Variants in MUC5AC observed in about 807,000 individuals in gnomAD.
MUC5AC encodes the protein mucin-5AC.
In MUC5AC, 158 loss-of-function variants were observed where a neutral mutation model predicts 169.7. That is an observed-to-expected ratio of 0.93 (90% CI 0.82 to 1.06). MUC5AC has a LOEUF of 1.06. Ranked by LOEUF, MUC5AC falls within the 50% of genes least tolerant of loss-of-function variation. The pLI, the probability that MUC5AC is intolerant of heterozygous loss-of-function variation, is 0.00. For synonymous variants in MUC5AC, 1,975 were observed against 1,237.0 expected (o/e 1.60, Z -12.52); for missense variants, 4,359 against 3,089.9 (o/e 1.41, Z -9.74).
At position 1,190,897 on chromosome 11, in the gene MUC5AC, C is replaced by G. The variant is rs1170972618; in HGVS notation, c.12752C>G (p.Ser4251Cys). 4 of 738,468 alleles carry G rather than the reference C, an allele frequency of 5.4e-6. No individual in the cohort carries two copies. Among genetic ancestry groups the G allele is most frequent in the Non-Finnish European group, 9.9e-6 (4 of 405,492 alleles). The allele number at this position is 738,468 out of a possible 1,614,324, so 45.7% of individuals were successfully genotyped here. A position where few individuals can be genotyped will look rare whatever the true frequency, so the allele number is the denominator to read the frequency against. ...TTSAPTTSTT[S>C]GPGTTPSPVP... Reference sequence around the variant, plus strand: ...TCTGCTCCTACAACCAGCACAACCTCTGGTCCTGGAACTACTCCAAGCCCT... The same window carrying G: ...TCTGCTCCTACAACCAGCACAACCTGTGGTCCTGGAACTACTCCAAGCCCT... Residue 4251 changes from serine (S) to cysteine (C), a missense_variant, in exon 31 of 49, where the codon TCT becomes TGT. Ser to Cys is a moderately radical substitution (Grantham distance 112, BLOSUM62 -1). Transcript: ENST00000621226.
chr11:1,159,532 TCTGTGCGGGGCTGTGCGGGG>T (rs201302150), intron 1 of MUC5AC, among the ~76,000 whole-genome samples: 44 of 42,910 alleles, frequency 1.0e-3, no homozygotes, highest in South Asian at 5.1e-3. Flanking sequence ...CCATGCTGGT[TCTGTGCGGGGCTGTGCGGGG>T]CTGTGCGGGG....
At position 1,198,943 on chromosome 11, in the gene MUC5AC, G is replaced by C; in HGVS notation, c.16243G>C (p.Asp5415His). The C allele has an allele frequency of 1.3e-6, 1 of 763,288 alleles. No individual in the cohort carries two copies. The highest frequency in any genetic ancestry group is 1.3e-5 in the South Asian group (1 of 74,216). 47.3% of individuals were successfully genotyped at this position (763,288 alleles called of 1,614,324 possible). A position where few individuals can be genotyped will look rare whatever the true frequency, so the allele number is the denominator to read the frequency against. The change falls in exon 44 of 49, where the codon GAC becomes CAC. Residue 5415 changes from aspartate to histidine, a missense_variant. Coordinates refer to ENST00000621226, the MANE Select transcript of MUC5AC (RefSeq NM_001304359.2). The part of the protein sequence containing the change: ...RCELPGGPPS[D>H]AFVVSCETQI... ...TGAGCTGCCGGGTGGCCCCCCATCG[G>C]ACGCGTTTGTGGTCAGCTGTGAGAC... is the stretch of plus-strand genomic sequence containing the variant.
Position 1,164,482 on chromosome 11 carries a change from A to T in MUC5AC, c.1079A>T (p.His360Leu), listed in dbSNP as rs757487224. ...GCAGACACCTGCTCCAACCAGGAGC[A>T]CTCCCGGGCCTGTGAGGACCACTGT... Reference protein sequence around the residue: ...PCADTCSNQEHSRACEDHCVA... With the variant: ...PCADTCSNQELSRACEDHCVA... The change falls in exon 9 of 49, where the codon CAC becomes CTC. Residue 360 changes from histidine (H) to leucine (L), a missense_variant. His to Leu is a moderately conservative substitution (Grantham distance 99, BLOSUM62 -3). Transcript: ENST00000621226. 2.9e-5 allele frequency: 47 copies of T among 1,611,524 alleles called. No individual in the cohort carries two copies. Among genetic ancestry groups the T allele is most frequent in the Non-Finnish European group, 4.0e-5 (47 of 1,179,552 alleles).
At position 1,189,957 on chromosome 11, in the gene MUC5AC, G is replaced by A; in HGVS notation, c.11812G>A (p.Val3938Ile). The change falls in exon 31 of 49, where the codon GTT (valine) becomes ATT (isoleucine). Residue 3938 changes from valine to isoleucine, a missense_variant. Physicochemically the swap from Val to Ile is conservative, Grantham distance 29. Transcript: ENST00000621226. ...ASVSKTSTSHVSVSKTTHSQP... is the reference protein window; with the variant it reads ...ASVSKTSTSHISVSKTTHSQP... The stretch of plus-strand genomic sequence containing the variant: ...TGTTTCAAAGACCAGCACAAGCCAT[G>A]TTTCTGTATCCAAGACAACCCACTC... The A allele has an allele frequency of 5.2e-6, 4 of 765,168 alleles. No individual in the cohort carries two copies. The highest frequency in any genetic ancestry group is 9.6e-6 in the Non-Finnish European group (4 of 417,884). The allele number at this position is 765,168 out of a possible 1,614,324, so 47.4% of individuals were successfully genotyped here. A position where few individuals can be genotyped will look rare whatever the true frequency, so the allele number is the denominator to read the frequency against.
At chr11:1,193,342 T>C in intron 32 of MUC5AC, 143 bp from the exon 33 acceptor site, 1 of 610,764 alleles carries the variant, frequency 1.6e-6, no homozygotes, top group Non-Finnish European at 3.0e-6. Flanking sequence ...GGGTGGGTGC[T>C]GAGGGTGGGG....
Position 1,182,604 on chromosome 11 carries a change from C to A in MUC5AC, c.4459C>A (p.Pro1487Thr). Residue 1487 changes from proline to threonine, a missense_variant, in exon 31 of 49, where the codon CCA becomes ACA. Coordinates refer to ENST00000621226, the MANE Select transcript of MUC5AC (RefSeq NM_001304359.2). The stretch of plus-strand genomic sequence containing the variant: ...CCTACCCTGCTCCACCTCTAGCAGT[C>A]CAGCCCAGACCACTCCTCCAACTAC... ...TPLPCSTSSS[P>T]AQTTPPTTSK... The A allele has an allele frequency of 7.5e-6, 3 of 398,856 alleles. No homozygotes were observed. The highest frequency in any genetic ancestry group is 1.3e-5 in the Non-Finnish European group (3 of 226,280). 24.7% of individuals were successfully genotyped at this position (398,856 alleles called of 1,614,324 possible). A position where few individuals can be genotyped will look rare whatever the true frequency, so the allele number is the denominator to read the frequency against.
intron 26 of MUC5AC, among the ~76,000 whole-genome samples, chr11:1,179,456 C>T (rs966345929): frequency 2.0e-5 from 3 of 151,128 alleles, no homozygotes; most frequent in Admixed American, 6.6e-5. Context: ...GCAGAGCTGC[C>T]CAGCTCTAGA....
chr11:1,200,397 G>T, intron 48 of MUC5AC, 41 bp from the exon 49 acceptor site: 1 of 648,676 alleles, frequency 1.5e-6, no homozygotes, highest in Non-Finnish European at 2.8e-6. Flanking sequence ...CAGGAGGCTG[G>T]GGTGGCGCAG....
At chr11:1,158,960 G>A (rs1159004046) in intron 1 of MUC5AC, among the ~76,000 whole-genome samples, 4 of 152,312 alleles carry the variant, frequency 2.6e-5, no homozygotes, top group African/African-American at 9.6e-5. Flanking sequence ...GCCGTCCCTC[G>A]TCTGTACCAC....
Position 1,192,084 on chromosome 11 carries a change from C to T in MUC5AC, c.13939C>T (p.His4647Tyr), listed in dbSNP as rs748742336. Residue 4647 changes from histidine to tyrosine, a missense_variant, in exon 31 of 49, where the codon CAC (histidine) becomes TAC (tyrosine). His to Tyr is a moderately conservative substitution (Grantham distance 83). Transcript: ENST00000621226. ...CGTGGACTTCCCATCCCCTGGACCC[C>T]ACGGCGGGGACAAGGAAACCTACAA... ...FDVDFPSPGP[H>Y]GGDKETYNNI... 8 of 765,096 alleles carry T rather than the reference C, an allele frequency of 1.0e-5. No individual in the cohort carries two copies. Among genetic ancestry groups the T allele is most frequent in the Non-Finnish European group, 1.7e-5 (7 of 417,892 alleles). 47.4% of individuals were successfully genotyped at this position (765,096 alleles called of 1,614,324 possible). A position where few individuals can be genotyped will look rare whatever the true frequency, so the allele number is the denominator to read the frequency against.
At chr11:1,195,376 C>T in intron 36 of MUC5AC, 97 bp downstream of exon 36, 1 of 702,280 alleles carries the variant, frequency 1.4e-6, no homozygotes, top group Non-Finnish European at 2.6e-6. Context: ...TCAGGGGGCT[C>T]CTGAGAGGAA....
chr11:1,194,618 C>A lies in MUC5AC; in HGVS notation c.15138C>A (p.Phe5046Leu), dbSNP rs1238842952. The change falls in exon 35 of 49, where the codon TTC (phenylalanine) becomes TTA (leucine). Residue 5046 changes from phenylalanine (F) to leucine (L), a missense_variant. Coordinates refer to ENST00000621226, the MANE Select transcript of MUC5AC (RefSeq NM_001304359.2). The part of the protein sequence containing the change: ...GVQVMFSGLI[F>L]SVEVPFSKFA... ...AGGTCATGTTCTCCGGCCTCATCTT[C>A]TCCGTGGAGGTGCCCTTCAGCAAGT... The A allele has an allele frequency of 1.3e-6, 1 of 764,518 alleles. No individual in the cohort carries two copies. The highest frequency in any genetic ancestry group is 2.4e-6 in the Non-Finnish European group (1 of 417,506). The allele number at this position is 764,518 out of a possible 1,614,324, so 47.4% of individuals were successfully genotyped here.
chr11:1,177,703 G>C, intron 24 of MUC5AC, 70 bp downstream of exon 24: 1 of 398,482 alleles, frequency 2.5e-6, no homozygotes, highest in Non-Finnish European at 4.4e-6. Context: ...GGAACAGGTG[G>C]GCAGAGACGA....
At chr11:1,158,412 C>T (rs1426962889) in intron 1 of MUC5AC, among the ~76,000 whole-genome samples, 1 of 152,254 alleles carries the variant, frequency 6.6e-6, no homozygotes, top group Non-Finnish European at 1.5e-5. Flanking sequence ...CTGCTCATGG[C>T]CCCTGCTGGG....
Position 1,189,221 on chromosome 11 carries a change from A to C in MUC5AC, c.11076A>C (p.Pro3692=). Residue 3692 remains proline (P), a synonymous_variant, in exon 31 of 49, where the codon CCA becomes CCC. Transcript: ENST00000621226. ...CTATACCCAGCACAACCTCTGCCCCAACAACCAGCACAACCTCTGCTCCCA... is the reference window on the plus strand; with the variant it reads ...CTATACCCAGCACAACCTCTGCCCCCACAACCAGCACAACCTCTGCTCCCA... The part of the protein sequence containing the change: ...PASIPSTTSA[P]TTSTTSAPTT... 2 of 558,296 alleles carry C rather than the reference A, an allele frequency of 3.6e-6. No individual in the cohort carries two copies. Among genetic ancestry groups the C allele is most frequent in the South Asian group, 2.5e-5 (1 of 39,606 alleles). The allele number at this position is 558,296 out of a possible 1,614,324, so 34.6% of individuals were successfully genotyped here. A position where few individuals can be genotyped will look rare whatever the true frequency, so the allele number is the denominator to read the frequency against.
chr11:1,179,485 A>G (rs1304546338), intron 26 of MUC5AC, among the ~76,000 whole-genome samples: 416 of 84,890 alleles, frequency 4.9e-3, no homozygotes, highest in Middle Eastern at 0.01. Context: ...CGTGGCTGAC[A>G]GAGGGGTCGC....
chr11:1,164,414 G>A lies in MUC5AC; in HGVS notation c.1011G>A (p.Lys337=), dbSNP rs1334034582. 1.2e-6 allele frequency: 2 copies of A among 1,612,420 alleles called. No individual in the cohort carries two copies. The highest frequency in any genetic ancestry group is 2.2e-5 in the East Asian group (1 of 44,860). Residue 337 remains lysine (K), a synonymous_variant, in exon 9 of 49, where the codon AAG becomes AAA. Coordinates refer to ENST00000621226, the MANE Select transcript of MUC5AC (RefSeq NM_001304359.2). ...DWRGPDFCPQ[K]CPNNMQYHEC... is the part of the protein sequence containing the mutation. ...TCTCTCTGCCTCCCGCAGCCCAGAA[G>A]TGCCCCAACAACATGCAGTACCACG... is the stretch of plus-strand genomic sequence containing the variant.
intron 15 of MUC5AC, 185 bp downstream of exon 15, chr11:1,169,211 A>C: frequency 1.0e-6 from 1 of 955,560 alleles, no homozygotes; most frequent in Non-Finnish European, 1.2e-6. Context: ...AGCTTCAGGA[A>C]TGTGGGGCAT....
intron 31 of MUC5AC, 36 bp downstream of exon 31, chr11:1,192,561 T>G (rs1476540345): frequency 2.6e-6 from 2 of 755,364 alleles, no homozygotes; most frequent in Admixed American, 3.4e-5. Context: ...GTTTCTGAGC[T>G]CACCCTGGTC....
Sources: gnomAD v4.1 joint callset for allele counts (sites outside exome capture counted in the v4.1 genomes callset) on GRCh38, gnomAD v4.1.1 for gene constraint, MANE v1.5 for transcripts, NCBI Gene and HGNC (gene_info 2026-07-23, HGNC 2026-07-21) for gene names.